Variants in DNAH17 observed in about 807,000 individuals in gnomAD.
DNAH17 encodes axonemal beta dynein heavy chain 17.
A neutral mutation model predicts 485.6 loss-of-function variants in DNAH17; 376 were observed. That is an observed-to-expected ratio of 0.77 (90% CI 0.71 to 0.84). The LOEUF (loss-of-function observed/expected upper bound fraction) is 0.84. Among genes scored for constraint, DNAH17 ranks in the 40% least tolerant of loss-of-function variants. DNAH17 has a pLI of 0.00. For synonymous variants in DNAH17, 3,031 were observed against 2,405.9 expected, an observed-to-expected ratio of 1.26 and a Z score of -7.60; for missense variants, 6,370 against 5,839.3, an observed-to-expected ratio of 1.09 and a Z score of -2.96.
Position 78,425,545 on chromosome 17 carries a change from A to G in DNAH17, c.12942T>C (p.Phe4314=). The change falls in exon 80 of 81, where the codon TTT becomes TTC. Residue 4314 remains phenylalanine (F), a synonymous_variant. Coordinates refer to ENST00000389840, the MANE Select transcript of DNAH17 (RefSeq NM_173628.4). ...CCAGCCACACGGTGGTGGGCAGGGC[A>G]AAGTCTGTCGTCCAGGCCTCGAGTT... ...IRELEAWTTD[F]ALPTTVWLAG... 2 of 1,612,958 alleles carry G rather than the reference A, an allele frequency of 1.2e-6. No individual in the cohort carries two copies. Among genetic ancestry groups the G allele is most frequent in the African/African-American group, 1.3e-5 (1 of 75,032 alleles).
intron 43 of DNAH17, 91 bp from the exon 44 acceptor site, chr17:78,490,938 C>T (rs537963184): frequency 2.9e-5 from 42 of 1,430,588 alleles, no homozygotes; most frequent in South Asian, 1.7e-4. Context: ...AGCAAACCTC[C>T]GAGCAAGGAG....
chr17:78,435,502 T>C (rs2086826091), intron 74 of DNAH17, among the ~76,000 whole-genome samples: 1 of 152,112 alleles, frequency 6.6e-6, no homozygotes, highest in South Asian at 2.1e-4. Context: ...AGAGATGGGA[T>C]GAGGTGCCAC....
chr17:78,426,548 T>C lies in DNAH17; in HGVS notation c.12824A>G (p.Tyr4275Cys), dbSNP rs1408903915. ...DVEDLSTALFYDTVPDTWVAR... is the reference protein window; with the variant it reads ...DVEDLSTALFCDTVPDTWVAR... ...CACCCACGTATCAGGCACGGTGTCA[T>C]AGAAGAGAGCCGTGGACAGATCTTC... Residue 4275 changes from tyrosine to cysteine, a missense_variant, in exon 79 of 81, where the codon TAT becomes TGT. Transcript: ENST00000389840. The C allele has an allele frequency of 7.4e-6, 12 of 1,613,522 alleles. No individual in the cohort carries two copies. Among genetic ancestry groups the C allele is most frequent in the Admixed American group, 1.7e-5 (1 of 59,974 alleles).
intron 48 of DNAH17, 89 bp downstream of exon 48, chr17:78,484,779 T>A: frequency 1.6e-4 from 77 of 494,260 alleles, no homozygotes; most frequent in East Asian, 4.3e-4. Flanking sequence ...CCTACTGCCC[T>A]GGGGCTCCGC....
At chr17:78,538,174 A>ATTG (rs1257674173) in intron 18 of DNAH17, among the ~76,000 whole-genome samples, 2 of 147,552 alleles carry the variant, frequency 1.4e-5, no homozygotes, top group East Asian at 2.0e-4. Context: ...GAATGGAGAC[A>ATTG]TTGTTTCCAT....
chr17:78,566,205 G>C (rs1392176658), intron 11 of DNAH17, among the ~76,000 whole-genome samples: 1 of 152,138 alleles, frequency 6.6e-6, no homozygotes, highest in Admixed American at 6.5e-5. Flanking sequence ...ATAGTAGCCT[G>C]CATGGACGAA....
chr17:78,485,484 G>T (rs2089560920), intron 47 of DNAH17, 66 bp downstream of exon 47: 9 of 1,464,636 alleles, frequency 6.1e-6, no homozygotes, highest in Non-Finnish European at 7.4e-6. Context: ...AGTGAGAGGG[G>T]ACAGGAGGGA....
intron 25 of DNAH17, among the ~76,000 whole-genome samples, chr17:78,519,482 C>A (rs184168205): frequency 1.8e-3 from 279 of 152,152 alleles, no homozygotes; most frequent in African/African-American, 6.6e-3. Flanking sequence ...TAAAACAGCA[C>A]AAAAGTTAAA....
chr17:78,530,580 T>C (rs2091206268), intron 20 of DNAH17, 68 bp from the exon 21 acceptor site: 1 of 1,539,322 alleles, frequency 6.5e-7, no homozygotes, highest in East Asian at 2.3e-5. Context: ...GCACAGGGCC[T>C]CAGTCCAGGG....
intron 11 of DNAH17, 113 bp downstream of exon 11, chr17:78,566,501 G>A (rs1472607041): frequency 2.6e-6 from 2 of 776,008 alleles, no homozygotes; most frequent in South Asian, 1.8e-5. Flanking sequence ...CTCCCTCCCT[G>A]GACATCAGCT....
intron 26 of DNAH17, among the ~76,000 whole-genome samples, chr17:78,512,569 T>A (rs554441359): frequency 1.2e-4 from 10 of 81,340 alleles, no homozygotes; most frequent in South Asian, 3.5e-4. Context: ...AAGCTCTCTG[T>A]CCTCCCCCTA....
intron 20 of DNAH17, among the ~76,000 whole-genome samples, chr17:78,531,120 C>T (rs1042722742): frequency 1.3e-5 from 2 of 152,148 alleles, no homozygotes; most frequent in African/African-American, 4.8e-5. Flanking sequence ...TCTAGATGAT[C>T]TGTCTGACGC....
At chr17:78,542,125 C>A (rs1013179363) in intron 17 of DNAH17, among the ~76,000 whole-genome samples, 11 of 148,072 alleles carry the variant, frequency 7.4e-5, no homozygotes, top group Non-Finnish European at 8.9e-5. Flanking sequence ...CCGCCCCCCC[C>A]AAAAACTGCC....
chr17:78,539,927 T>C, intron 17 of DNAH17, 47 bp from the exon 18 acceptor site: 1 of 1,514,940 alleles, frequency 6.6e-7, no homozygotes, highest in South Asian at 1.4e-5. Flanking sequence ...TGGCTGTGCT[T>C]GCTCTTTGAT....
intron 56 of DNAH17, among the ~76,000 whole-genome samples, chr17:78,464,634 C>T (rs766724150): frequency 4.6e-5 from 7 of 152,244 alleles, no homozygotes; most frequent in Non-Finnish European, 1.0e-4. Context: ...GTGCACAAGG[C>T]AATGGTGTGT....
At chr17:78,520,099 G>C (rs1275645561) in intron 25 of DNAH17, among the ~76,000 whole-genome samples, 4 of 134,146 alleles carry the variant, frequency 3.0e-5, no homozygotes, top group Admixed American at 1.5e-4. Flanking sequence ...GCGATAGAAC[G>C]AAACTCTGTT....
chr17:78,573,194 A>G (rs1346896089), intron 2 of DNAH17, among the ~76,000 whole-genome samples: 10 of 152,184 alleles, frequency 6.6e-5, no homozygotes, highest in Admixed American at 4.6e-4. Flanking sequence ...ACTCCTTGCT[A>G]AAAGCCTAGG....
At position 78,571,775 on chromosome 17, in the gene DNAH17, A is replaced by G. The variant is rs1214532806; in HGVS notation, c.547T>C (p.Ser183Pro). Residue 183 changes from serine to proline, a missense_variant, in exon 4 of 81, where the codon TCT (serine) becomes CCT (proline). Transcript: ENST00000389840. ...TGCAGGAGCAAGTTGTCCAGTGAAG[A>G]GGGGATCCTGCCCAGTGGAAGGTTG... Reference protein sequence around the residue: ...GTLESMERIPSSLDNLLLHAI... With the variant: ...GTLESMERIPPSLDNLLLHAI... 1 of 1,587,362 alleles carries G rather than the reference A, an allele frequency of 6.3e-7. No homozygotes were observed. Among genetic ancestry groups the G allele is most frequent in the Admixed American group, 1.7e-5 (1 of 58,176 alleles).
At position 78,492,710 on chromosome 17, in the gene DNAH17, A is replaced by G. The variant is rs1482995577; in HGVS notation, c.6464T>C (p.Val2155Ala). ...GGTGACGGCCTTGGGGTCCAGGTCC[A>G]CGGCGACCGGCTTCCTCTTCAGGTT... The part of the protein sequence containing the change: ...YQNLKRKPVA[V>A]DLDPKAVTCD... Residue 2155 changes from valine to alanine, a missense_variant, in exon 42 of 81, where the codon GTG (valine) becomes GCG (alanine). Physicochemically the swap from Val to Ala is moderately conservative, Grantham distance 64. Coordinates refer to ENST00000389840, the MANE Select transcript of DNAH17 (RefSeq NM_173628.4). The G allele has an allele frequency of 6.2e-7, 1 of 1,613,164 alleles. No homozygotes were observed. Among genetic ancestry groups the G allele is most frequent in the Admixed American group, 1.7e-5 (1 of 59,934 alleles).
Sources: allele counts gnomAD v4.1 joint callset (sites outside exome capture counted in the v4.1 genomes callset), GRCh38; gene constraint gnomAD v4.1.1; transcripts MANE v1.5; gene names NCBI Gene and HGNC (gene_info 2026-07-23, HGNC 2026-07-21).